The following A4GALT variants were observed in gnomAD, a reference collection of about 807,000 sequenced individuals.
The protein encoded by A4GALT is lactosylceramide 4-alpha-galactosyltransferase.
For synonymous variants in A4GALT, 257 were observed against 220.7 expected, an observed-to-expected ratio of 1.16 and a Z score of -1.46; for missense variants, 512 against 486.0, an observed-to-expected ratio of 1.05 and a Z score of -0.50.
chr22:42,720,017 G>C (rs1442180778), intron 1 of A4GALT, among the ~76,000 whole-genome samples: 2 of 152,174 alleles, frequency 1.3e-5, no homozygotes, highest in African/African-American at 4.8e-5. Context: ...TGAAACTGAG[G>C]GAAGGGGACT....
intron 1 of A4GALT, among the ~76,000 whole-genome samples, chr22:42,717,019 G>C (rs1922248620): frequency 6.6e-6 from 1 of 152,198 alleles, no homozygotes. Context: ...GAGTAGGCTT[G>C]TGGTGGGTGA....
chr22:42,715,959 A>C (rs1266647552), intron 1 of A4GALT, among the ~76,000 whole-genome samples: 1 of 151,646 alleles, frequency 6.6e-6, no homozygotes, highest in Non-Finnish European at 1.5e-5. Context: ...CAGCCTCCTG[A>C]GTAGGTGGGA....
In A4GALT at chr22:42,692,516, G is replaced by C. The variant is rs374935686; in HGVS notation, c.*374C>G. The stretch of plus-strand genomic sequence containing the variant: ...GCCTCCTCTCCTCTCTGGGAATCTT[G>C]TCCCTTCTTCCCCATCCCCTTAGCA... On this transcript the variant is annotated 3_prime_UTR_variant, in exon 3 of 3. Transcript: ENST00000642412. This position sits in a 1 kb window ranked among gnomAD's most constrained non-coding sequence, Gnocchi z 4.6. 2.6e-6 allele frequency: 1 copy of C among 387,130 alleles called. No homozygotes were observed. Among genetic ancestry groups the C allele is most frequent in the Admixed American group, 3.3e-5 (1 of 30,248 alleles). 24.0% of individuals were successfully genotyped at this position (387,130 alleles called of 1,614,324 possible). A position where few individuals can be genotyped will look rare whatever the true frequency, so the allele number is the denominator to read the frequency against.
At chr22:42,704,436 G>A (rs1313354168) in intron 1 of A4GALT, among the ~76,000 whole-genome samples, 1 of 151,896 alleles carries the variant, frequency 6.6e-6, no homozygotes, top group African/African-American at 2.4e-5. Flanking sequence ...GCAGTGAGCT[G>A]AGGTTGCACT....
rs535059255 is a variant in A4GALT at position 42,705,372 on chromosome 22, G to A, written c.-187-9741C>T. Among the ~76,000 whole-genome samples the A allele has an allele frequency of 7.0e-4, 107 of 152,092 alleles. 1 individual carries two copies. Among genetic ancestry groups the A allele is most frequent in the Non-Finnish European group, 1.4e-3 (92 of 67,988 alleles). Reference sequence around the variant, plus strand: ...TCTCAGCACTTTGGGGGCCCGAGGTGGGTGGATCACTTGAGGTCGGGAGTT... The same window carrying A: ...TCTCAGCACTTTGGGGGCCCGAGGTAGGTGGATCACTTGAGGTCGGGAGTT... On this transcript the variant is annotated intron_variant, in intron 1 of 2. Coordinates refer to ENST00000642412, the MANE Select transcript of A4GALT (RefSeq NM_017436.7).
At chr22:42,700,260 A>G (rs13057708) in intron 1 of A4GALT, among the ~76,000 whole-genome samples, 38,918 of 152,202 alleles carry the variant, frequency 0.26, 6,113 homozygotes, top group South Asian at 0.4. Context: ...TGGTGCTGAC[A>G]CAGGTTCAGC....
In A4GALT at chr22:42,692,797, C is replaced by T; in HGVS notation, c.*93G>A. 1.3e-6 allele frequency: 2 copies of T among 1,491,582 alleles called. No homozygotes were observed. Among genetic ancestry groups the T allele is most frequent in the Non-Finnish European group, 1.8e-6 (2 of 1,091,058 alleles). 92.4% of individuals were successfully genotyped at this position (1,491,582 alleles called of 1,614,324 possible). A position where few individuals can be genotyped will look rare whatever the true frequency, so the allele number is the denominator to read the frequency against. On this transcript the variant is annotated 3_prime_UTR_variant, in exon 3 of 3. Transcript: ENST00000642412. The surrounding 1 kb of genome is among the most constrained non-coding windows in gnomAD (Gnocchi z 4.6). ...TGCCTAAGCCCGGTGGCAGCTCGGG[C>T]CTCCCTCTCCCGGGCCCTCAATCTT...
chr22:42,698,533 C>T (rs571303620), intron 1 of A4GALT, among the ~76,000 whole-genome samples: 14 of 152,358 alleles, frequency 9.2e-5, no homozygotes, highest in East Asian at 1.9e-4. Context: ...CCCAACAAAA[C>T]GGAGTCCGCA....
At chr22:42,712,016 T>C (rs1921741577) in intron 1 of A4GALT, among the ~76,000 whole-genome samples, 1 of 152,188 alleles carries the variant, frequency 6.6e-6, no homozygotes, top group Non-Finnish European at 1.5e-5. Context: ...GGAAATGCCC[T>C]TTGCAAACTA....
In A4GALT at chr22:42,692,971, C is replaced by G; in HGVS notation, c.981G>C (p.Glu327Asp). The G allele has an allele frequency of 6.2e-7, 1 of 1,612,994 alleles. No individual in the cohort carries two copies. Among genetic ancestry groups the G allele is most frequent in the Non-Finnish European group, 8.5e-7 (1 of 1,179,946 alleles). Reference protein sequence around the residue: ...WNKKSQGTRFEATSRALLAQL... With the variant: ...WNKKSQGTRFDATSRALLAQL... ...GGGCCAGCAGTGCCCTGGACGTGGC[C>G]TCGAACCGCGTGCCCTGGCTCTTCT... is the stretch of plus-strand genomic sequence containing the variant. Residue 327 changes from glutamate to aspartate, a missense_variant, in exon 3 of 3, where the codon GAG (glutamate) becomes GAC (aspartate). Glu to Asp is a conservative substitution (Grantham distance 45). Coordinates refer to ENST00000642412, the MANE Select transcript of A4GALT (RefSeq NM_017436.7). This position sits in a 1 kb window ranked among gnomAD's most constrained non-coding sequence, Gnocchi z 4.6.
chr22:42,693,912 C>A lies in A4GALT; in HGVS notation c.40G>T (p.Gly14Cys). Residue 14 changes from glycine to cysteine, a missense_variant, in exon 3 of 3, where the codon GGC (glycine) becomes TGC (cysteine). Coordinates refer to ENST00000642412, the MANE Select transcript of A4GALT (RefSeq NM_017436.7). The part of the protein sequence containing the change: ...PPDLLLRLLR[G>C]APRQRVCTLF... ...GTGCAGACCCGCTGCCTTGGGGCGC[C>A]CCGGAGCAGCCGCAGCAGGAGGTCG... The A allele has an allele frequency of 6.2e-7, 1 of 1,605,260 alleles. No homozygotes were observed.
intron 1 of A4GALT, among the ~76,000 whole-genome samples, chr22:42,703,414 C>A (rs1377552923): frequency 1.3e-5 from 2 of 151,854 alleles, no homozygotes. Flanking sequence ...TGCCACCGCG[C>A]CTGGCTAATT....
intron 1 of A4GALT, among the ~76,000 whole-genome samples, chr22:42,717,722 CCTCT>C (rs572895533): frequency 3.9e-4 from 59 of 152,154 alleles, no homozygotes; most frequent in African/African-American, 1.3e-3. Flanking sequence ...ACTTGCTGCT[CCTCT>C]CTATCTCTCT....
At chr22:42,702,922 C>G (rs1920932794) in intron 1 of A4GALT, among the ~76,000 whole-genome samples, 1 of 146,322 alleles carries the variant, frequency 6.8e-6, no homozygotes, top group Non-Finnish European at 1.5e-5. Context: ...ATCCCGGTCC[C>G]TGCTCCCCTG....
At chr22:42,705,453 A>C (rs930145599) in intron 1 of A4GALT, among the ~76,000 whole-genome samples, 25 of 143,900 alleles carry the variant, frequency 1.7e-4, no homozygotes, top group African/African-American at 6.1e-4. Flanking sequence ...AATACAAAAA[A>C]TTAGCTGGGC....
At chr22:42,707,955 CAA>C (rs754976957) in intron 1 of A4GALT, among the ~76,000 whole-genome samples, 8 of 106,080 alleles carry the variant, frequency 7.5e-5, no homozygotes, top group African/African-American at 1.8e-4. Flanking sequence ...ACTGTCACTA[CAA>C]AAAAAAAAAA....
chr22:42,703,748 G>A (rs1006514778), intron 1 of A4GALT, among the ~76,000 whole-genome samples: 2 of 152,204 alleles, frequency 1.3e-5, no homozygotes, highest in East Asian at 1.9e-4. Flanking sequence ...TAACCTTGGC[G>A]GGACACATGG....
In A4GALT at chr22:42,699,615, A is replaced by G. The variant is rs552471035; in HGVS notation, c.-187-3984T>C. Among the ~76,000 whole-genome samples the G allele has an allele frequency of 5.3e-5, 8 of 152,306 alleles. No individual in the cohort carries two copies. In the South Asian group the frequency reaches 1.7e-3, roughly 32 times the overall value. On this transcript the variant is annotated intron_variant, in intron 1 of 2. Transcript: ENST00000642412. ...GAGTTCCTGTGAGGGCAAGGGACGC[A>G]GGACTGCACAGAGGGAGATGTTGAG...
intron 1 of A4GALT, among the ~76,000 whole-genome samples, chr22:42,720,191 G>A (rs1030626542): frequency 6.7e-6 from 1 of 148,516 alleles, no homozygotes; most frequent in Non-Finnish European, 1.5e-5. Context: ...GACTCCAACC[G>A]GCTCGCCCCG....
Sources: gnomAD v4.1 joint callset for allele counts (sites outside exome capture counted in the v4.1 genomes callset) on GRCh38, gnomAD v4.1.1 for gene constraint, Gnocchi (gnomAD v3.1) non-coding constraint, MANE v1.5 for transcripts, NCBI Gene and HGNC (gene_info 2026-07-23, HGNC 2026-07-21) for gene names.